The following GRAMD2A variants were observed in gnomAD, a reference collection of about 807,000 sequenced individuals.
The protein encoded by GRAMD2A is GRAM domain containing 2A.
GRAMD2A carries 37 observed loss-of-function variants against 51.1 expected under a neutral mutation model. That is an observed-to-expected ratio of 0.72 (90% CI 0.56 to 0.95). The LOEUF is 0.95. Among genes scored for constraint, GRAMD2A ranks in the 40% least tolerant of loss-of-function variants. The pLI is 0.00. For missense variants in GRAMD2A, 414 were observed against 426.9 expected (o/e 0.97, Z 0.27); for synonymous variants, 136 against 157.1 (o/e 0.87, Z 1.01).
chr15:72,189,780 G>A (rs184638740), intron 1 of GRAMD2A, among the ~76,000 whole-genome samples: 248 of 152,248 alleles, frequency 1.6e-3, no homozygotes, highest in African/African-American at 5.5e-3. Flanking sequence ...AATGATAACG[G>A]GAGGCTCAGA....
chr15:72,162,211 G>A, intron 11 of GRAMD2A, 62 bp downstream of exon 11: 1 of 1,427,478 alleles, frequency 7.0e-7, no homozygotes, highest in East Asian at 2.3e-5. Context: ...CCTGGCCTGA[G>A]GTTCTTGGCT....
rs757282609 is a variant in GRAMD2A, at chr15:72,197,777, C to T, written c.-6G>A. On this transcript the variant is annotated 5_prime_UTR_variant, in exon 1 of 12. Transcript: ENST00000309731. Reference sequence around the variant, plus strand: ...CTCCGGCTTAAAGCGGTCATCCCGGCGCCTGCACCCAGCGCCCCGACCGCG... The same window carrying T: ...CTCCGGCTTAAAGCGGTCATCCCGGTGCCTGCACCCAGCGCCCCGACCGCG... 76 of 1,289,798 alleles carry T rather than the reference C, an allele frequency of 5.9e-5. No individual in the cohort carries two copies. The highest frequency in any genetic ancestry group is 1.9e-4 in the Admixed American group (6 of 31,720). The allele number at this position is 1,289,798 out of a possible 1,614,324, so 79.9% of individuals were successfully genotyped here.
chr15:72,177,147 C>A (rs1243115263), intron 1 of GRAMD2A, among the ~76,000 whole-genome samples: 1 of 151,154 alleles, frequency 6.6e-6, no homozygotes, highest in African/African-American at 2.4e-5. Context: ...CAGGCATGAG[C>A]CACTGTGCTC....
At position 72,168,499 on chromosome 15, in the gene GRAMD2A, A is replaced by T. The variant is rs2081573076; in HGVS notation, c.260T>A (p.Val87Asp). The change falls in exon 4 of 12, where the codon GTT (valine) becomes GAT (aspartate). Residue 87 changes from valine (V) to aspartate (D), a missense_variant. Val to Asp is a radical substitution (Grantham distance 152). Coordinates refer to ENST00000309731, the MANE Select transcript of GRAMD2A (RefSeq NM_001012642.3). ...LFKDVPLEEVVLKVCSCALQR... is the reference protein window; with the variant it reads ...LFKDVPLEEVDLKVCSCALQR... ...ACCGGGAGACAGCTCACCTTTGAGAACCACTTCCTCCAAGGGAACATCCTT... is the reference window on the plus strand; with the variant it reads ...ACCGGGAGACAGCTCACCTTTGAGATCCACTTCCTCCAAGGGAACATCCTT... 2 of 1,613,186 alleles carry T rather than the reference A, an allele frequency of 1.2e-6. No individual in the cohort carries two copies. The highest frequency in any genetic ancestry group is 2.7e-5 in the African/African-American group (2 of 74,912).
chr15:72,173,179 G>A (rs2081626618), intron 1 of GRAMD2A, among the ~76,000 whole-genome samples: 1 of 152,194 alleles, frequency 6.6e-6, no homozygotes, highest in Non-Finnish European at 1.5e-5. Context: ...AGATCCCTGG[G>A]AACTGAAATA....
At chr15:72,169,383 T>C in intron 2 of GRAMD2A, 1 of 473,160 alleles carries the variant, frequency 2.1e-6, no homozygotes, top group South Asian at 1.7e-5. Flanking sequence ...AGGGACAGTT[T>C]GGGGTGTGGG....
Position 72,161,658 on chromosome 15 carries a change from A to G in GRAMD2A, c.*351T>C. On this transcript the variant is annotated 3_prime_UTR_variant, in exon 12 of 12. Coordinates refer to ENST00000309731, the MANE Select transcript of GRAMD2A (RefSeq NM_001012642.3). ...GCCTCTGTCCTTTGAGGTGGCCTCCAGTGTTCTGCCTGTGTGCCAGAACTG... is the reference window on the plus strand; with the variant it reads ...GCCTCTGTCCTTTGAGGTGGCCTCCGGTGTTCTGCCTGTGTGCCAGAACTG... The G allele has an allele frequency of 3.1e-6, 1 of 326,688 alleles. No homozygotes were observed. The highest frequency in any genetic ancestry group is 5.9e-6 in the Non-Finnish European group (1 of 169,712). The allele number at this position is 326,688 out of a possible 1,614,324, so 20.2% of individuals were successfully genotyped here.
In GRAMD2A at chr15:72,160,324, G is replaced by T. The variant is rs2081458319; in HGVS notation, c.*1685C>A. The T allele has an allele frequency of 8.5e-6, 1 of 117,398 alleles. No individual in the cohort carries two copies. The highest frequency in any genetic ancestry group is 3.1e-5 in the African/African-American group (1 of 32,524). The allele number at this position is 117,398 out of a possible 1,614,324, so 7.3% of individuals were successfully genotyped here. A position where few individuals can be genotyped will look rare whatever the true frequency, so the allele number is the denominator to read the frequency against. On this transcript the variant is annotated 3_prime_UTR_variant, in exon 12 of 12. Coordinates refer to ENST00000309731, the MANE Select transcript of GRAMD2A (RefSeq NM_001012642.3). ...AAAAGACGGATGAAAGGGTGAAAGGGGCTGGTTCCAAAAAAAAAAAAAAAA... is the reference window on the plus strand; with the variant it reads ...AAAAGACGGATGAAAGGGTGAAAGGTGCTGGTTCCAAAAAAAAAAAAAAAA...
chr15:72,168,488 C>G lies in GRAMD2A; in HGVS notation c.268+3G>C, dbSNP rs1185525283. On this transcript the variant is annotated splice_donor_region_variant and intron_variant, in intron 4 of 11. Coordinates refer to ENST00000309731, the MANE Select transcript of GRAMD2A (RefSeq NM_001012642.3). ...TAACCAGCTATACCGGGAGACAGCT[C>G]ACCTTTGAGAACCACTTCCTCCAAG... The G allele has an allele frequency of 6.2e-7, 1 of 1,611,460 alleles. No homozygotes were observed. Among genetic ancestry groups the G allele is most frequent in the East Asian group, 2.2e-5 (1 of 44,876 alleles).
rs117106850 is a variant in GRAMD2A, at chr15:72,162,757, G to A, written c.957-380C>T. ...CGGTGGGCCCATTCCCCCAGCAGGT[G>A]CTGATGTTGATGGTCAAAACCCGGC... On this transcript the variant is annotated intron_variant, in intron 10 of 11. Transcript: ENST00000309731. 2.5e-3 allele frequency: 549 copies of A among 222,042 alleles called. 3 individuals are homozygous for A. The highest frequency in any genetic ancestry group is 3.3e-3 in the Non-Finnish European group (370 of 110,892). The allele number at this position is 222,042 out of a possible 1,614,324, so 13.8% of individuals were successfully genotyped here. A position where few individuals can be genotyped will look rare whatever the true frequency, so the allele number is the denominator to read the frequency against.
intron 1 of GRAMD2A, among the ~76,000 whole-genome samples, chr15:72,188,795 G>A (rs530599050): frequency 6.6e-6 from 1 of 152,120 alleles, no homozygotes; most frequent in Non-Finnish European, 1.5e-5. Flanking sequence ...TGATTCTCCT[G>A]CCTCAGCCTC....
intron 1 of GRAMD2A, among the ~76,000 whole-genome samples, chr15:72,178,795 T>C (rs544859992): frequency 3.6e-4 from 54 of 151,960 alleles, no homozygotes; most frequent in South Asian, 1.5e-3. Context: ...AGGATGGTCT[T>C]GATCTCCTGA....
At chr15:72,173,933 T>TAAAAAAA (rs577222527) in intron 1 of GRAMD2A, 2 of 66,698 alleles carry the variant, frequency 3.0e-5, no homozygotes, top group Admixed American at 2.3e-4. Flanking sequence ...AAATTCTGTC[T>TAAAAAAA]AAAAAAAAAA....
At position 72,170,802 on chromosome 15, in the gene GRAMD2A, G is replaced by A. The variant is rs1331281429; in HGVS notation, c.42-863C>T. 1.3e-5 allele frequency among the ~76,000 whole-genome samples: 2 copies of A among 152,214 alleles called. No homozygotes were observed. Among genetic ancestry groups the A allele is most frequent in the East Asian group, 3.8e-4 (2 of 5,200 alleles). On this transcript the variant is annotated intron_variant, in intron 1 of 11. Transcript: ENST00000309731. This position sits in a 1 kb window ranked among gnomAD's most constrained non-coding sequence, Gnocchi z 4.5. The stretch of plus-strand genomic sequence containing the variant: ...AGAAGCAGGGCCGTGCTGGGGCAGT[G>A]TGGTGGTCAGGAACAGGTAACAAGG...
At position 72,197,283 on chromosome 15, in the gene GRAMD2A, T is replaced by C. The variant is rs369524130; in HGVS notation, c.41+448A>G. Among the ~76,000 whole-genome samples the C allele has an allele frequency of 1.1e-4, 17 of 152,286 alleles. 1 individual carries two copies. The East Asian group carries it at 2.1e-3, about 19-fold the overall frequency. On this transcript the variant is annotated intron_variant, in intron 1 of 11. Transcript: ENST00000309731. Reference sequence around the variant, plus strand: ...GATTCGGCGGCGAGAGGAAACAGTCTGGCCCTCCAGGGGACGCAGGGAAAT... The same window carrying C: ...GATTCGGCGGCGAGAGGAAACAGTCCGGCCCTCCAGGGGACGCAGGGAAAT...
In GRAMD2A at chr15:72,168,475, C is replaced by T. The variant is rs765265525; in HGVS notation, c.268+16G>A. 4 of 1,606,014 alleles carry T rather than the reference C, an allele frequency of 2.5e-6. No individual in the cohort carries two copies. In the South Asian group the frequency reaches 4.4e-5, roughly 18 times the overall value. On this transcript the variant is annotated intron_variant, in intron 4 of 11. Transcript: ENST00000309731. ...CACTCTGGGTGCCTAACCAGCTATA[C>T]CGGGAGACAGCTCACCTTTGAGAAC...
chr15:72,176,900 G>C lies in GRAMD2A; in HGVS notation c.42-6961C>G, dbSNP rs554179256. Among the ~76,000 whole-genome samples, 84 of 108,514 alleles carry C rather than the reference G, an allele frequency of 7.7e-4. 1 individual carries two copies. Among genetic ancestry groups the C allele is most frequent in the African/African-American group, 2.8e-3 (79 of 27,774 alleles). 71.2% of individuals were successfully genotyped at this position (108,514 alleles called of 152,430 possible). ...TTTTTAAGAGATGGAGTCTTGCTCT[G>C]TTGCCCAGGCTGGAACACAGTGGTG... On this transcript the variant is annotated intron_variant, in intron 1 of 11. Transcript: ENST00000309731.
chr15:72,171,569 A>G (rs2081610342), intron 1 of GRAMD2A, among the ~76,000 whole-genome samples: 1 of 152,188 alleles, frequency 6.6e-6, no homozygotes, highest in African/African-American at 2.4e-5. Context: ...CAGTTAACCC[A>G]GCCATCAGCA....
chr15:72,166,903 T>C lies in GRAMD2A; in HGVS notation c.471+91A>G, dbSNP rs2081551937. 3.6e-6 allele frequency: 4 copies of C among 1,102,858 alleles called. No individual in the cohort carries two copies. The highest frequency in any genetic ancestry group is 5.6e-6 in the Non-Finnish European group (4 of 719,812). The allele number at this position is 1,102,858 out of a possible 1,614,324, so 68.3% of individuals were successfully genotyped here. A position where few individuals can be genotyped will look rare whatever the true frequency, so the allele number is the denominator to read the frequency against. On this transcript the variant is annotated intron_variant, in intron 6 of 11. Coordinates refer to ENST00000309731, the MANE Select transcript of GRAMD2A (RefSeq NM_001012642.3). This position sits in a 1 kb window ranked among gnomAD's most constrained non-coding sequence, Gnocchi z 4.1. ...TGGAGAGCTGCAGGGTGGGGTGAAA[T>C]AAAGACCTGGGAATGTGCCCGAGTC...
Sources: allele counts gnomAD v4.1 joint callset (sites outside exome capture counted in the v4.1 genomes callset), GRCh38; gene constraint gnomAD v4.1.1; non-coding constraint Gnocchi (gnomAD v3.1); transcripts MANE v1.5; gene names NCBI Gene and HGNC (gene_info 2026-07-23, HGNC 2026-07-21).